Variants in ZNF888 observed in about 807,000 individuals in gnomAD.
ZNF888 encodes CTD-2331H12.6.
In ZNF888, 5 loss-of-function variants were observed where a neutral mutation model predicts 7.2. That is an observed-to-expected ratio of 0.70 (90% confidence interval 0.36 to 1.46). The LOEUF (loss-of-function observed/expected upper bound fraction) is 1.46. Ranked by LOEUF, ZNF888 falls within the 40% of genes most tolerant of loss-of-function variation. ZNF888 has a pLI of 0.03. For missense variants in ZNF888, 716 were observed against 858.0 expected, an observed-to-expected ratio of 0.83 and a Z score of 2.07; for synonymous variants, 240 against 284.3, an observed-to-expected ratio of 0.84 and a Z score of 1.57.
chr19:52,922,655 A>C (rs1323412102), intron 1 of ZNF888, among the ~76,000 whole-genome samples: 3 of 151,772 alleles, frequency 2.0e-5, no homozygotes, highest in Non-Finnish European at 4.4e-5. Flanking sequence ...TTCTTCTTTT[A>C]TCTGTCTCAG....
intron 1 of ZNF888, among the ~76,000 whole-genome samples, chr19:52,920,718 T>C (rs1173135856): frequency 1.6e-5 from 1 of 63,052 alleles, no homozygotes; most frequent in African/African-American, 5.0e-5. Context: ...AATTTACCTA[T>C]AGCCTGGAGG....
rs1183992420 is a variant in ZNF888 at position 52,905,345 on chromosome 19, G to A, written c.*820C>T. On this transcript the variant is annotated 3_prime_UTR_variant, in exon 5 of 5. Coordinates refer to ENST00000638862, the MANE Select transcript of ZNF888 (RefSeq NM_001393938.1). ...AGCCAGAGAACAACCCCCTTTGATT[G>A]TAACTTTCCACTACCTACCCAAATC... is the stretch of plus-strand genomic sequence containing the variant. 1 of 146,464 alleles carries A rather than the reference G, an allele frequency of 6.8e-6. No individual in the cohort carries two copies. Among genetic ancestry groups the A allele is most frequent in the African/African-American group, 2.6e-5 (1 of 38,686 alleles). 9.1% of individuals were successfully genotyped at this position (146,464 alleles called of 1,614,324 possible). A position where few individuals can be genotyped will look rare whatever the true frequency, so the allele number is the denominator to read the frequency against.
In ZNF888 at chr19:52,906,295, TGTGA is replaced by T. The variant is rs1406383523; in HGVS notation, c.2023_2026del (p.Ser675ThrfsTer39). 9.9e-6 allele frequency: 16 copies of T among 1,613,416 alleles called. No individual in the cohort carries two copies. The highest frequency in any genetic ancestry group is 2.2e-5 in the East Asian group (1 of 44,868). On this transcript the variant is annotated frameshift_variant, in exon 5 of 5. Coordinates refer to ENST00000638862, the MANE Select transcript of ZNF888 (RefSeq NM_001393938.1). LOFTEE classifies it low-confidence loss of function (END_TRUNC). Reference sequence around the variant, plus strand: ...ATGAATTCTAGTATGTTGTGCCAGGTGTGAGTAACACTTGAAAGCCTTGTCACAA... The same window carrying T: ...ATGAATTCTAGTATGTTGTGCCAGGTGTAACACTTGAAAGCCTTGTCACAA...
At chr19:52,916,621 T>TAC (rs1346643601) in intron 3 of ZNF888, among the ~76,000 whole-genome samples, 237 of 16,090 alleles carry the variant, frequency 0.015, 1 homozygote, top group African/African-American at 0.032. Flanking sequence ...TATACATATA[T>TAC]ATATATATAT....
rs564657643 is a variant in ZNF888 at position 52,922,214 on chromosome 19, C to T, written c.-178+1155G>A. ...TATTTAACCTCTTGTTGCTCCTTTT[C>T]CCCAATCTTTAGATTGTTCTCAATG... On this transcript the variant is annotated intron_variant, in intron 1 of 4. Transcript: ENST00000638862. Among the ~76,000 whole-genome samples, 16 of 151,780 alleles carry T rather than the reference C, an allele frequency of 1.1e-4. 1 individual carries two copies. In the East Asian group the frequency reaches 2.3e-3, roughly 22 times the overall value.
Position 52,907,936 on chromosome 19 carries a change from T to C in ZNF888, c.386A>G (p.His129Arg). 2 of 1,614,186 alleles carry C rather than the reference T, an allele frequency of 1.2e-6. No homozygotes were observed. The highest frequency in any genetic ancestry group is 1.7e-6 in the Non-Finnish European group (2 of 1,180,022). ...TGSTDQYDQR[H>R]AGNKPIKYQL... ...ATATTTAATAGGCTTGTTTCCAGCA[T>C]GCCTTTGATCATATTGGTCTGTACT... Residue 129 changes from histidine to arginine, a missense_variant, in exon 5 of 5, where the codon CAT becomes CGT. This residue lies in a region of ZNF888 where 697 missense variants were observed against 803.4 expected (regional missense o/e 0.87). Coordinates refer to ENST00000638862, the MANE Select transcript of ZNF888 (RefSeq NM_001393938.1).
At chr19:52,910,239 A>G (rs542006823) in intron 4 of ZNF888, among the ~76,000 whole-genome samples, 2 of 150,280 alleles carry the variant, frequency 1.3e-5, no homozygotes, top group South Asian at 4.3e-4. Context: ...TTGGAGGCTG[A>G]GGCAGGTGGA....
chr19:52,908,983 A>G (rs2064644211), intron 4 of ZNF888, among the ~76,000 whole-genome samples: 1 of 151,880 alleles, frequency 6.6e-6, no homozygotes, highest in Non-Finnish European at 1.5e-5. Flanking sequence ...CGTCTCTACT[A>G]AAAATACAAA....
At chr19:52,909,450 G>A (rs555258863) in intron 4 of ZNF888, among the ~76,000 whole-genome samples, 38 of 151,882 alleles carry the variant, frequency 2.5e-4, no homozygotes, top group African/African-American at 8.9e-4. Flanking sequence ...GTTTCACCAC[G>A]TTGGCAAGGC....
rs1212211901 is a variant in ZNF888, at chr19:52,920,768, CCAAA to C, written c.-177-1835_-177-1832del. Among the ~76,000 whole-genome samples, 2 of 63,560 alleles carry C rather than the reference CCAAA, an allele frequency of 3.1e-5. 1 individual carries two copies. Among genetic ancestry groups the C allele is most frequent in the East Asian group, 6.5e-4 (2 of 3,060 alleles). 41.7% of individuals were successfully genotyped at this position (63,560 alleles called of 152,430 possible). ...CTTTGAGTTGTCTCGCCCTTCTGGA[CCAAA>C]CAATGTCTTTCTTTAATGTATTTGA... On this transcript the variant is annotated intron_variant, in intron 1 of 4. Transcript: ENST00000638862.
rs144705543 is a variant in ZNF888 at position 52,917,449 on chromosome 19, C to T, written c.15+410G>A. On this transcript the variant is annotated intron_variant, in intron 3 of 4. Coordinates refer to ENST00000638862, the MANE Select transcript of ZNF888 (RefSeq NM_001393938.1). ...TCAGGCAGAAAACATTTCCTCTTAT[C>T]GGTCTTTTCTAGAATTTACCATGTT... is the stretch of plus-strand genomic sequence containing the variant. 6.6e-4 allele frequency: 318 copies of T among 484,408 alleles called. 1 individual carries two copies. The highest frequency in any genetic ancestry group is 5.0e-3 in the African/African-American group (254 of 51,306). 30.0% of individuals were successfully genotyped at this position (484,408 alleles called of 1,614,324 possible).
intron 4 of ZNF888, among the ~76,000 whole-genome samples, chr19:52,914,120 G>A (rs1035304744): frequency 4.6e-5 from 7 of 152,186 alleles, no homozygotes; most frequent in African/African-American, 1.7e-4. Flanking sequence ...GTGAGACTCT[G>A]TCATAAGAAA....
intron 4 of ZNF888, among the ~76,000 whole-genome samples, chr19:52,910,257 G>A (rs2064662634): frequency 6.6e-6 from 1 of 151,690 alleles, no homozygotes; most frequent in Non-Finnish European, 1.5e-5. Flanking sequence ...GGATCATGAG[G>A]TCATAAGTTC....
Position 52,907,205 on chromosome 19 carries a change from T to G in ZNF888, c.1117A>C (p.Arg373=). 6.2e-6 allele frequency: 10 copies of G among 1,613,072 alleles called. No homozygotes were observed. Among genetic ancestry groups the G allele is most frequent in the Non-Finnish European group, 7.6e-6 (9 of 1,179,710 alleles). ...FSRKSYLERH[R]RIHTGEKPYK... ...GGTTTCTCACCAGTGTGAATTCTCCTATGTCTTTCAAGGTATGATTTGCGA... is the reference window on the plus strand; with the variant it reads ...GGTTTCTCACCAGTGTGAATTCTCCGATGTCTTTCAAGGTATGATTTGCGA... The change falls in exon 5 of 5, where the codon AGG becomes CGG. Residue 373 remains arginine, a synonymous_variant. Transcript: ENST00000638862.
intron 3 of ZNF888, 90 bp from the exon 4 acceptor site, chr19:52,915,412 T>A: frequency 6.2e-7 from 1 of 1,611,710 alleles, no homozygotes; most frequent in East Asian, 2.2e-5. Flanking sequence ...AAGCATGGAT[T>A]TAATTGTAGT....
intron 2 of ZNF888, 39 bp from the exon 3 acceptor site, chr19:52,917,970 T>C: frequency 6.3e-7 from 1 of 1,597,296 alleles, no homozygotes; most frequent in African/African-American, 1.3e-5. Flanking sequence ...ATATGTTGTT[T>C]ATTGCTCAGA....
intron 2 of ZNF888, 41 bp from the exon 3 acceptor site, chr19:52,917,972 T>C (rs2064770748): frequency 6.3e-7 from 1 of 1,594,726 alleles, no homozygotes; most frequent in South Asian, 1.1e-5. Flanking sequence ...ATGTTGTTTA[T>C]TGCTCAGAGT....
chr19:52,917,505 G>T, intron 3 of ZNF888: 1 of 609,192 alleles, frequency 1.6e-6, no homozygotes, highest in Non-Finnish European at 3.0e-6. Flanking sequence ...GACTTCCATT[G>T]GCAGCTACTC....
intron 4 of ZNF888, among the ~76,000 whole-genome samples, chr19:52,914,057 G>A (rs1175330258): frequency 3.9e-5 from 6 of 152,166 alleles, no homozygotes; most frequent in Admixed American, 1.3e-4. Flanking sequence ...CCCAAAAGGC[G>A]GAGGCTGCAA....
Sources: gnomAD v4.1 joint callset for allele counts (sites outside exome capture counted in the v4.1 genomes callset) on GRCh38, gnomAD v4.1.1 for gene constraint, gnomAD v4.1.1 regional missense constraint, MANE v1.5 for transcripts, NCBI Gene and HGNC (gene_info 2026-07-23, HGNC 2026-07-21) for gene names.